The following PDZRN4 variants were observed in gnomAD, a reference collection of about 807,000 sequenced individuals.
PDZRN4 encodes the protein PDZ domain containing ring finger 4.
A neutral mutation model predicts 99.0 loss-of-function variants in PDZRN4; 70 were observed. That is an observed-to-expected ratio of 0.71 (90% CI 0.58 to 0.86). PDZRN4 has a LOEUF of 0.86. Among genes scored for constraint, PDZRN4 ranks in the 40% least tolerant of loss-of-function variants. PDZRN4 has a pLI of 0.00. For synonymous variants in PDZRN4, 551 were observed against 501.6 expected (o/e 1.10, Z -1.32); for missense variants, 1,474 against 1,331.2 (o/e 1.11, Z -1.67).
chr12:41,317,061 T>C lies in PDZRN4; in HGVS notation c.843+122873T>C, dbSNP rs1299535784. ...AACTTACATAAAGTATATATATATA[T>C]ATATATATATATAGTATATTTGTAT... On this transcript the variant is annotated intron_variant, in intron 3 of 9. Transcript: ENST00000402685. 1.6e-4 allele frequency among the ~76,000 whole-genome samples: 23 copies of C among 140,252 alleles called. 4 individuals are homozygous for C. Among genetic ancestry groups the C allele is most frequent in the East Asian group, 6.2e-4 (3 of 4,876 alleles). The allele number at this position is 140,252 out of a possible 152,430, so 92.0% of individuals were successfully genotyped here.
At chr12:41,457,932 T>C (rs1952830307) in intron 3 of PDZRN4, among the ~76,000 whole-genome samples, 1 of 152,140 alleles carries the variant, frequency 6.6e-6, no homozygotes, top group African/African-American at 2.4e-5. Context: ...TTTATGTCTT[T>C]CAGGCAAATC....
At chr12:41,529,872 G>A (rs1349427226) in intron 5 of PDZRN4, among the ~76,000 whole-genome samples, 1 of 151,954 alleles carries the variant, frequency 6.6e-6, no homozygotes, top group Non-Finnish European at 1.5e-5. Flanking sequence ...TCCTCTTCTG[G>A]ACCTAATGTT....
intron 3 of PDZRN4, among the ~76,000 whole-genome samples, chr12:41,328,333 G>A (rs902229312): frequency 9.2e-5 from 14 of 151,896 alleles, no homozygotes; most frequent in Admixed American, 7.9e-4. Context: ...AACAGCCTGG[G>A]CAACATAGCC....
chr12:41,224,362 A>G (rs762482488), intron 3 of PDZRN4, among the ~76,000 whole-genome samples: 1 of 152,210 alleles, frequency 6.6e-6, no homozygotes, highest in Non-Finnish European at 1.5e-5. Context: ...TGAGCCATCT[A>G]TTGATACATA....
At chr12:41,325,603 G>A (rs1348867660) in intron 3 of PDZRN4, among the ~76,000 whole-genome samples, 1 of 152,122 alleles carries the variant, frequency 6.6e-6, no homozygotes, top group Non-Finnish European at 1.5e-5. Flanking sequence ...TCTAGAGAAG[G>A]TCAGCTACGG....
At chr12:41,445,984 T>C (rs1592061944) in intron 3 of PDZRN4, among the ~76,000 whole-genome samples, 1 of 152,194 alleles carries the variant, frequency 6.6e-6, no homozygotes, top group East Asian at 1.9e-4. Flanking sequence ...TATTCATTTC[T>C]TCTTTATTAA....
intron 8 of PDZRN4, among the ~76,000 whole-genome samples, chr12:41,564,218 G>C (rs1431145320): frequency 6.6e-6 from 1 of 152,140 alleles, no homozygotes; most frequent in Non-Finnish European, 1.5e-5. Context: ...GCATGATCTG[G>C]TTCCATGTAT....
At chr12:41,449,531 A>G (rs1297868249) in intron 3 of PDZRN4, among the ~76,000 whole-genome samples, 3 of 152,326 alleles carry the variant, frequency 2.0e-5, no homozygotes, top group Middle Eastern at 3.4e-3. Flanking sequence ...GGGGGTTACT[A>G]TCCAGCAGAC....
At chr12:41,405,268 T>A (rs1177820958) in intron 3 of PDZRN4, among the ~76,000 whole-genome samples, 2 of 151,744 alleles carry the variant, frequency 1.3e-5, no homozygotes, top group Non-Finnish European at 2.9e-5. Flanking sequence ...AAAACAACCA[T>A]ATTAAAAAAT....
intron 7 of PDZRN4, among the ~76,000 whole-genome samples, chr12:41,560,755 GA>G (rs775428415): frequency 5.9e-5 from 9 of 152,152 alleles, no homozygotes; most frequent in Non-Finnish European, 1.0e-4. Context: ...ACCGAAGGTT[GA>G]AAGCTCTATC....
intron 3 of PDZRN4, among the ~76,000 whole-genome samples, chr12:41,210,063 A>T (rs1437526082): frequency 6.6e-6 from 1 of 151,958 alleles, no homozygotes; most frequent in Non-Finnish European, 1.5e-5. Flanking sequence ...ATGGTATCTC[A>T]TTGTGGTTTT....
intron 3 of PDZRN4, among the ~76,000 whole-genome samples, chr12:41,255,421 T>A (rs200308359): frequency 0.011 from 1,738 of 152,214 alleles, 45 homozygotes; most frequent in East Asian, 0.1. Context: ...TTGTTTTTTT[T>A]GTTTTTTTTG....
In PDZRN4 at chr12:41,243,179, GTTACC is replaced by G. The variant is rs1951111452; in HGVS notation, c.843+48992_843+48996del. 5.9e-5 allele frequency among the ~76,000 whole-genome samples: 9 copies of G among 152,150 alleles called. 1 individual carries two copies. The highest frequency in any genetic ancestry group is 5.9e-4 in the Admixed American group (9 of 15,274). On this transcript the variant is annotated intron_variant, in intron 3 of 9. Transcript: ENST00000402685. ...TTCATTTTGCCTGAAGAATGTTCTT[GTTACC>G]ATCAGCAGATTGCATATGGAGTGAA...
chr12:41,430,102 A>G (rs1349599048), intron 3 of PDZRN4, among the ~76,000 whole-genome samples: 1 of 152,232 alleles, frequency 6.6e-6, no homozygotes, highest in Non-Finnish European at 1.5e-5. Context: ...TATGATTGCA[A>G]GAAATCTTGC....
chr12:41,301,677 A>G (rs1007127793), intron 3 of PDZRN4, among the ~76,000 whole-genome samples: 3 of 152,056 alleles, frequency 2.0e-5, no homozygotes, highest in Admixed American at 2.0e-4. Flanking sequence ...AATGCTTTCC[A>G]AACAACTTTT....
intron 3 of PDZRN4, among the ~76,000 whole-genome samples, chr12:41,196,191 G>T (rs914864572): frequency 3.3e-5 from 5 of 151,916 alleles, no homozygotes; most frequent in African/African-American, 1.2e-4. Flanking sequence ...ATATATGTCA[G>T]ATTAACCTTA....
chr12:41,247,321 AGC>A (rs1951139571), intron 3 of PDZRN4, among the ~76,000 whole-genome samples: 1 of 151,958 alleles, frequency 6.6e-6, no homozygotes, highest in African/African-American at 2.4e-5. Context: ...TTACCTGAGG[AGC>A]TGCTAGATAG....
chr12:41,389,183 G>A (rs1375397446), intron 3 of PDZRN4, among the ~76,000 whole-genome samples: 3 of 152,088 alleles, frequency 2.0e-5, no homozygotes, highest in African/African-American at 7.2e-5. Context: ...ATCTAAAATG[G>A]AGTGTACTCG....
chr12:41,476,698 G>T (rs1953045803), intron 3 of PDZRN4, among the ~76,000 whole-genome samples: 1 of 152,206 alleles, frequency 6.6e-6, no homozygotes, highest in Non-Finnish European at 1.5e-5. Context: ...ATTGTTGACA[G>T]CTCTGATAGT....
Sources: allele counts gnomAD v4.1 joint callset (sites outside exome capture counted in the v4.1 genomes callset), GRCh38; gene constraint gnomAD v4.1.1; transcripts MANE v1.5; gene names NCBI Gene and HGNC (gene_info 2026-07-23, HGNC 2026-07-21).